GLIS1: variants seen among roughly 807,000 people sequenced by gnomAD.
The protein encoded by GLIS1 is zinc finger protein GLIS1.
Under a neutral mutation model 63.8 loss-of-function variants are expected in GLIS1, and 24 were observed. The observed-to-expected ratio is 0.38, with a 90% CI of 0.27 to 0.53. The LOEUF (loss-of-function observed/expected upper bound fraction) is 0.53, where lower values mean the gene tolerates loss of function less well. Among genes scored for constraint, GLIS1 ranks in the 20% least tolerant of loss-of-function variants. The probability of loss-of-function intolerance (pLI) is 0.85; values close to 1 mark genes in which losing one functional copy is unlikely to be tolerated. For missense variants in GLIS1, 1,036 were observed against 1,074.1 expected (o/e 0.96, Z 0.50); for synonymous variants, 450 against 482.5 (o/e 0.93, Z 0.88).
chr1:53,549,043 T>A (rs1644733548), intron 4 of GLIS1, among the ~76,000 whole-genome samples: 1 of 152,240 alleles, frequency 6.6e-6, no homozygotes, highest in African/African-American at 2.4e-5. Context: ...CAATCTGTGG[T>A]CTTTAGTGAC....
chr1:53,637,670 T>C (rs983630992), intron 2 of GLIS1, among the ~76,000 whole-genome samples: 5 of 152,148 alleles, frequency 3.3e-5, no homozygotes, highest in Admixed American at 6.5e-5. Flanking sequence ...CCGCAGGGCC[T>C]AGGCTGCCCT....
chr1:53,633,812 G>A (rs1645695804), intron 2 of GLIS1, among the ~76,000 whole-genome samples: 1 of 152,126 alleles, frequency 6.6e-6, no homozygotes, highest in South Asian at 2.1e-4. Flanking sequence ...GGCGTGGGGG[G>A]GATAGGGGGA....
At chr1:53,682,892 G>A (rs1646291162) in intron 2 of GLIS1, among the ~76,000 whole-genome samples, 1 of 152,164 alleles carries the variant, frequency 6.6e-6, no homozygotes. Flanking sequence ...AGCAATCAAG[G>A]AACCATACAA....
intron 2 of GLIS1, among the ~76,000 whole-genome samples, chr1:53,729,364 C>T (rs1216635397): frequency 1.3e-5 from 2 of 152,040 alleles, no homozygotes; most frequent in Admixed American, 6.6e-5. Context: ...AAGAGCGCTC[C>T]GTAAGTACAA....
intron 2 of GLIS1, among the ~76,000 whole-genome samples, chr1:53,672,058 C>T (rs1646157940): frequency 6.6e-6 from 1 of 152,206 alleles, no homozygotes; most frequent in Admixed American, 6.5e-5. Context: ...CTGGTTGTGG[C>T]CAACTGCAGG....
At chr1:53,638,596 A>G (rs916688257) in intron 2 of GLIS1, among the ~76,000 whole-genome samples, 1 of 152,174 alleles carries the variant, frequency 6.6e-6, no homozygotes, top group Admixed American at 6.5e-5. Flanking sequence ...AGGGCCTCTG[A>G]GGCCCCATGG....
chr1:53,516,584 G>A (rs181807098), intron 7 of GLIS1, among the ~76,000 whole-genome samples: 3 of 151,366 alleles, frequency 2.0e-5, no homozygotes, highest in African/African-American at 4.8e-5. Flanking sequence ...AGGCCGAGGC[G>A]GGAGGATTAC....
At chr1:53,578,394 A>G (rs1234792690) in intron 4 of GLIS1, among the ~76,000 whole-genome samples, 1 of 152,216 alleles carries the variant, frequency 6.6e-6, no homozygotes, top group Non-Finnish European at 1.5e-5. Context: ...TAATAGTAGC[A>G]TAGTTATTTG....
chr1:53,516,844 C>T (rs1644358109), intron 7 of GLIS1, among the ~76,000 whole-genome samples: 1 of 152,064 alleles, frequency 6.6e-6, no homozygotes, highest in Non-Finnish European at 1.5e-5. Flanking sequence ...ACCACCACCA[C>T]CACCACCGAA....
rs1283615397 is a variant in GLIS1 at position 53,703,862 on chromosome 1, CT to C, written c.259+33943del. On this transcript the variant is annotated intron_variant, in intron 2 of 10. Coordinates refer to ENST00000628545, the MANE Select transcript of GLIS1 (RefSeq NM_001367484.1). ...CAGCCCCTCACTGGTAAAATTGGTG[CT>C]GAATGGGCCCATCACTACACAGACC... Among the ~76,000 whole-genome samples the C allele has an allele frequency of 3.3e-5, 5 of 152,130 alleles. No homozygotes were observed. In the South Asian group the frequency reaches 6.2e-4, roughly 19 times the overall value.
chr1:53,585,291 AC>A (rs1490621707), intron 4 of GLIS1, among the ~76,000 whole-genome samples: 1 of 152,046 alleles, frequency 6.6e-6, no homozygotes, highest in Non-Finnish European at 1.5e-5. Context: ...GGTAAGTGCT[AC>A]ACATATATGA....
intron 2 of GLIS1, among the ~76,000 whole-genome samples, chr1:53,663,369 T>C (rs1646050403): frequency 6.6e-6 from 1 of 152,188 alleles, no homozygotes; most frequent in South Asian, 2.1e-4. Flanking sequence ...CTGCCAAGGC[T>C]GAGGAGGGGC....
chr1:53,533,442 G>C (rs539623444), intron 4 of GLIS1, among the ~76,000 whole-genome samples: 130 of 152,348 alleles, frequency 8.5e-4, no homozygotes, highest in Non-Finnish European at 1.4e-3. Context: ...AAGTGCGTGT[G>C]CCCTGATGCC....
chr1:53,529,164 T>C (rs1332714363), intron 5 of GLIS1, among the ~76,000 whole-genome samples: 1 of 152,140 alleles, frequency 6.6e-6, no homozygotes, highest in Non-Finnish European at 1.5e-5. Context: ...GGGCAGACAT[T>C]GGAATAAAGC....
chr1:53,677,843 G>GCA (rs1371874261), intron 2 of GLIS1, among the ~76,000 whole-genome samples: 1 of 152,232 alleles, frequency 6.6e-6, no homozygotes, highest in Non-Finnish European at 1.5e-5. Context: ...TAAGGGAGGA[G>GCA]CACAGTCTCT....
chr1:53,707,012 T>C (rs1052154240), intron 2 of GLIS1, among the ~76,000 whole-genome samples: 6 of 152,186 alleles, frequency 3.9e-5, no homozygotes, highest in African/African-American at 1.4e-4. Context: ...GAAAGACTCC[T>C]AGAGCCCCAG....
intron 2 of GLIS1, chr1:53,734,054 A>C: frequency 1.0e-6 from 1 of 981,784 alleles, no homozygotes; most frequent in Non-Finnish European, 1.2e-6. Flanking sequence ...CGCACAATCT[A>C]CAATTCCTTT....
rs569642182 is a variant in GLIS1 at position 53,635,910 on chromosome 1, T to C, written c.260-35632A>G. 2.6e-5 allele frequency among the ~76,000 whole-genome samples: 4 copies of C among 152,308 alleles called. No individual in the cohort carries two copies. The South Asian group carries it at 8.3e-4, about 32-fold the overall frequency. ...AAACTGATAAAGACAACGGAAAAAC[T>C]AAATAGTCCAATAGATATTAACATA... On this transcript the variant is annotated intron_variant, in intron 2 of 10. Transcript: ENST00000628545.
At chr1:53,528,101 G>C (rs1024846473) in intron 5 of GLIS1, among the ~76,000 whole-genome samples, 2 of 152,202 alleles carry the variant, frequency 1.3e-5, no homozygotes, top group Non-Finnish European at 2.9e-5. Flanking sequence ...GGGGGTGCTG[G>C]GGCACAGAGC....
Sources: gnomAD v4.1 joint callset for allele counts (sites outside exome capture counted in the v4.1 genomes callset) on GRCh38, gnomAD v4.1.1 for gene constraint, MANE v1.5 for transcripts, NCBI Gene and HGNC (gene_info 2026-07-23, HGNC 2026-07-21) for gene names.